The following LYSMD2 variants were observed in gnomAD, a reference collection of about 807,000 sequenced individuals.
LYSMD2 encodes LysM domain containing 2.
In LYSMD2, 6 loss-of-function variants were observed where a neutral mutation model predicts 17.7. That is an observed-to-expected ratio of 0.34 (90% CI 0.19 to 0.67). The LOEUF (loss-of-function observed/expected upper bound fraction) is 0.67. Among genes scored for constraint, LYSMD2 ranks in the 30% least tolerant of loss-of-function variants. LYSMD2 has a pLI of 0.69. For missense variants in LYSMD2, 237 were observed against 286.7 expected, an observed-to-expected ratio of 0.83 and a Z score of 1.25; for synonymous variants, 102 against 129.8, an observed-to-expected ratio of 0.79 and a Z score of 1.45.
At chr15:51,724,699 C>T in intron 2 of LYSMD2, 91 bp downstream of exon 2, 1 of 744,542 alleles carries the variant, frequency 1.3e-6, no homozygotes, top group Non-Finnish European at 2.0e-6. Context: ...AAAGAAAAGG[C>T]AAAGAAAAGA....
chr15:51,737,713 A>C, upstream of LYSMD2: 1 of 955,778 alleles, frequency 1.0e-6, no homozygotes, highest in Non-Finnish European at 1.3e-6. This position sits in a 1 kb window ranked among gnomAD's most constrained non-coding sequence, Gnocchi z 4.2. Context: ...TCCTCTTCAC[A>C]GGGGCTGCAG....
Position 51,737,282 on chromosome 15 carries a change from C to G in LYSMD2, c.273+68G>C. ...CGCAGTCCCACCCCCACCCCCACCGCACCCCGAGCCGCACCGCCTCCTGCG... is the reference window on the plus strand; with the variant it reads ...CGCAGTCCCACCCCCACCCCCACCGGACCCCGAGCCGCACCGCCTCCTGCG... On this transcript the variant is annotated intron_variant, in intron 1 of 2. Transcript: ENST00000267838. The surrounding 1 kb of genome is among the most constrained non-coding windows in gnomAD (Gnocchi z 4.2). 1.7e-6 allele frequency: 2 copies of G among 1,205,672 alleles called. No individual in the cohort carries two copies. The highest frequency in any genetic ancestry group is 2.1e-6 in the Non-Finnish European group (2 of 949,782). 74.7% of individuals were successfully genotyped at this position (1,205,672 alleles called of 1,614,324 possible).
chr15:51,736,431 A>G (rs2055609080), intron 1 of LYSMD2, among the ~76,000 whole-genome samples: 1 of 152,232 alleles, frequency 6.6e-6, no homozygotes, highest in Non-Finnish European at 1.5e-5. Context: ...GTAAACATAT[A>G]CCGGCTTAAA....
chr15:51,730,261 A>G (rs2055568287), intron 1 of LYSMD2, among the ~76,000 whole-genome samples: 2 of 152,176 alleles, frequency 1.3e-5, no homozygotes, highest in South Asian at 4.1e-4. Flanking sequence ...TAGTCCCAAA[A>G]CTTTGGGAGG....
chr15:51,750,911 T>C (rs1158133286), intron 1 of LYSMD2, among the ~76,000 whole-genome samples: 1 of 152,176 alleles, frequency 6.6e-6, no homozygotes, highest in Non-Finnish European at 1.5e-5. Context: ...TAGCACGACA[T>C]ATAGGACTTT....
chr15:51,731,304 C>T (rs1163230267), intron 1 of LYSMD2, among the ~76,000 whole-genome samples: 1 of 152,206 alleles, frequency 6.6e-6, no homozygotes, highest in Non-Finnish European at 1.5e-5. Flanking sequence ...GGCTACTTTG[C>T]CATACCTCTC....
At chr15:51,733,498 G>A (rs1353995872) in intron 1 of LYSMD2, among the ~76,000 whole-genome samples, 1 of 151,978 alleles carries the variant, frequency 6.6e-6, no homozygotes, top group African/African-American at 2.4e-5. Context: ...TTGGGGAGGA[G>A]CGCTGGGGGA....
At position 51,737,209 on chromosome 15, in the gene LYSMD2, G is replaced by A. The variant is rs2606128; in HGVS notation, c.273+141C>T. On this transcript the variant is annotated intron_variant, in intron 1 of 2. Coordinates refer to ENST00000267838, the MANE Select transcript of LYSMD2 (RefSeq NM_153374.3). The surrounding 1 kb of genome is among the most constrained non-coding windows in gnomAD (Gnocchi z 4.2). ...GCGAGCCCTGGGAGCCGAGCCGCCC[G>A]GGGACGCACGGCCGTCCCTGCGACT... is the stretch of plus-strand genomic sequence containing the variant. The A allele has an allele frequency of 0.28, 188,764 of 671,378 alleles. 36,935 individuals are homozygous for A. Among genetic ancestry groups the A allele is most frequent in the Non-Finnish European group, 0.32 (154,481 of 482,688 alleles). The allele number at this position is 671,378 out of a possible 1,614,324, so 41.6% of individuals were successfully genotyped here. A position where few individuals can be genotyped will look rare whatever the true frequency, so the allele number is the denominator to read the frequency against.
chr15:51,737,343 T>A lies in LYSMD2; in HGVS notation c.273+7A>T. On this transcript the variant is annotated splice_region_variant and intron_variant, in intron 1 of 2. Coordinates refer to ENST00000267838, the MANE Select transcript of LYSMD2 (RefSeq NM_153374.3). The surrounding 1 kb of genome is among the most constrained non-coding windows in gnomAD (Gnocchi z 4.2). ...CAGCCCGGGCCGCGGCGGCGCGCCC[T>A]GCTCACCGTGACACCGTACTTGAGC... 7.7e-7 allele frequency: 1 copy of A among 1,302,344 alleles called. No homozygotes were observed. The allele number at this position is 1,302,344 out of a possible 1,614,324, so 80.7% of individuals were successfully genotyped here. A position where few individuals can be genotyped will look rare whatever the true frequency, so the allele number is the denominator to read the frequency against.
At chr15:51,735,762 T>A (rs957223168) in intron 1 of LYSMD2, among the ~76,000 whole-genome samples, 1 of 152,228 alleles carries the variant, frequency 6.6e-6, no homozygotes, top group Admixed American at 6.5e-5. Flanking sequence ...ATAAGAGTTA[T>A]CTATAATCAA....
intron 1 of LYSMD2, among the ~76,000 whole-genome samples, chr15:51,728,373 CACA>C (rs1352600376): frequency 6.7e-6 from 1 of 149,194 alleles, no homozygotes; most frequent in Non-Finnish European, 1.5e-5. Flanking sequence ...GAGCCGAGAT[CACA>C]ACATTGTACT....
In LYSMD2 at chr15:51,746,658, A is replaced by C. The variant is rs149340999; in HGVS notation, c.-1+4613T>G. Among the ~76,000 whole-genome samples, 261 of 152,250 alleles carry C rather than the reference A, an allele frequency of 1.7e-3. 11 individuals carry two copies. Among genetic ancestry groups the C allele is most frequent in the East Asian group, 0.017 (88 of 5,184 alleles). ...TATTTAGAGAGAGAGAAAGAGAGAG[A>C]ATGGTTTAATAAAGCTCCAACACTC... On this transcript the variant is annotated intron_variant, in intron 1 of 2. Transcript: ENST00000454181.
chr15:51,729,825 T>C (rs1049446347), intron 1 of LYSMD2, among the ~76,000 whole-genome samples: 1 of 152,216 alleles, frequency 6.6e-6, no homozygotes, highest in Non-Finnish European at 1.5e-5. Context: ...TTTCACTTCA[T>C]ATAAAGCTAA....
chr15:51,741,689 G>C (rs543052649), upstream of LYSMD2, among the ~76,000 whole-genome samples: 2 of 152,074 alleles, frequency 1.3e-5, no homozygotes, highest in African/African-American at 4.8e-5. Context: ...GAAGGCCAAC[G>C]CAGGTGGATC....
At chr15:51,748,814 A>G (rs1223980923) in intron 1 of LYSMD2, among the ~76,000 whole-genome samples, 1 of 152,224 alleles carries the variant, frequency 6.6e-6, no homozygotes, top group African/African-American at 2.4e-5. Flanking sequence ...ACCTTTCCTA[A>G]TGTGTAAACA....
chr15:51,746,185 C>T (rs1461726148), intron 1 of LYSMD2, among the ~76,000 whole-genome samples: 2 of 152,148 alleles, frequency 1.3e-5, no homozygotes, highest in East Asian at 3.8e-4. Flanking sequence ...AACAGCAAAA[C>T]TGTGGAAGCA....
At chr15:51,744,884 G>GA (rs1244478841) in intron 1 of LYSMD2, among the ~76,000 whole-genome samples, 3 of 149,808 alleles carry the variant, frequency 2.0e-5, no homozygotes, top group African/African-American at 2.5e-5. Context: ...GTCTGACCAA[G>GA]AAAAAAAAGA....
intron 1 of LYSMD2, among the ~76,000 whole-genome samples, chr15:51,736,025 T>C (rs761379549): frequency 2.6e-5 from 4 of 152,214 alleles, no homozygotes; most frequent in Admixed American, 6.5e-5. Context: ...AAATGCTTTA[T>C]CACTGTTAAT....
rs772160115 is a variant in LYSMD2 at position 51,724,778 on chromosome 15, G to C, written c.605+12C>G. 2.5e-6 allele frequency: 4 copies of C among 1,594,516 alleles called. No individual in the cohort carries two copies. Among genetic ancestry groups the C allele is most frequent in the Non-Finnish European group, 3.4e-6 (4 of 1,165,996 alleles). On this transcript the variant is annotated intron_variant, in intron 2 of 2. Transcript: ENST00000267838. Reference sequence around the variant, plus strand: ...TATTTAGACTTTGACATTTGTACCAGGGTATTCTTACCTGCTCTCTTCTTT... The same window carrying C: ...TATTTAGACTTTGACATTTGTACCACGGTATTCTTACCTGCTCTCTTCTTT...
Sources: allele counts gnomAD v4.1 joint callset (sites outside exome capture counted in the v4.1 genomes callset), GRCh38; gene constraint gnomAD v4.1.1; non-coding constraint Gnocchi (gnomAD v3.1); transcripts MANE v1.5; gene names NCBI Gene and HGNC (gene_info 2026-07-23, HGNC 2026-07-21).